The following NXPH2 variants were observed in gnomAD, a reference collection of about 807,000 sequenced individuals.
NXPH2 encodes neurexophilin 2.
In NXPH2, 5 loss-of-function variants were observed where a neutral mutation model predicts 19.8. That is an observed-to-expected ratio of 0.25 (90% CI 0.13 to 0.53). NXPH2 has a LOEUF of 0.53. Among genes scored for constraint, NXPH2 ranks in the 20% least tolerant of loss-of-function variants. The pLI is 0.96. For missense variants in NXPH2, 289 were observed against 322.8 expected (o/e 0.90, Z 0.80); for synonymous variants, 154 against 127.4 (o/e 1.21, Z -1.41).
At chr2:138,731,797 A>G (rs1444852374) in intron 1 of NXPH2, among the ~76,000 whole-genome samples, 6 of 152,090 alleles carry the variant, frequency 3.9e-5, no homozygotes, top group East Asian at 1.9e-4. Context: ...AGCAGGAGAC[A>G]GTAGAACGGC....
intron 1 of NXPH2, among the ~76,000 whole-genome samples, chr2:138,699,556 C>T (rs775992667): frequency 1.3e-5 from 2 of 152,010 alleles, no homozygotes; most frequent in African/African-American, 4.8e-5. Context: ...TAGAGATGGC[C>T]TAGGGGCAGC....
rs1156828906 is a variant in NXPH2, at chr2:138,730,063, A to G, written c.51+50128T>C. 2.6e-5 allele frequency among the ~76,000 whole-genome samples: 4 copies of G among 152,092 alleles called. No individual in the cohort carries two copies. The East Asian group carries it at 5.8e-4, about 22-fold the overall frequency. ...ATGGCCATCTTTTTGCCGTGTCCTC[A>G]TTATGGTCATCCCTTGGTCTGTATT... On this transcript the variant is annotated intron_variant, in intron 1 of 1. Coordinates refer to ENST00000272641, the MANE Select transcript of NXPH2 (RefSeq NM_007226.3).
chr2:138,682,133 A>G (rs1354305366), intron 1 of NXPH2, among the ~76,000 whole-genome samples: 4 of 152,354 alleles, frequency 2.6e-5, no homozygotes, highest in East Asian at 3.9e-4. Flanking sequence ...CTCAGCAGAA[A>G]GAACAACAGA....
intron 1 of NXPH2, among the ~76,000 whole-genome samples, chr2:138,699,333 C>CT (rs1167004384): frequency 6.6e-6 from 1 of 152,104 alleles, no homozygotes; most frequent in Non-Finnish European, 1.5e-5. Flanking sequence ...AAGAGGAAGG[C>CT]TTTTTTCCTC....
At chr2:138,770,969 A>T (rs1037738795) in intron 1 of NXPH2, among the ~76,000 whole-genome samples, 1 of 152,108 alleles carries the variant, frequency 6.6e-6, no homozygotes, top group Admixed American at 6.5e-5. Flanking sequence ...CCTTTAATAG[A>T]TTGTCAAAAA....
intron 1 of NXPH2, among the ~76,000 whole-genome samples, chr2:138,694,804 C>A (rs945693003): frequency 6.6e-6 from 1 of 152,136 alleles, no homozygotes; most frequent in Admixed American, 6.6e-5. Flanking sequence ...ACTAGTCAAC[C>A]ACACAATCAC....
chr2:138,773,109 C>A (rs1386275339), intron 1 of NXPH2, among the ~76,000 whole-genome samples: 1 of 152,168 alleles, frequency 6.6e-6, no homozygotes, highest in Non-Finnish European at 1.5e-5. Context: ...ATGTGTGTGG[C>A]CTTGCACATG....
chr2:138,724,146 G>A (rs2104995598), intron 1 of NXPH2, among the ~76,000 whole-genome samples: 1 of 152,156 alleles, frequency 6.6e-6, no homozygotes, highest in South Asian at 2.1e-4. Context: ...ATGTGTCCAT[G>A]TGTTCTCATC....
rs145270788 is a variant in NXPH2 at position 138,685,841 on chromosome 2, C to T, written c.52-14176G>A. ...GGCCAAGTGTCTCTCCATGCTGCTC[C>T]CAGAGTAAACCATCAAAGTATAGGT... On this transcript the variant is annotated intron_variant, in intron 1 of 1. Transcript: ENST00000272641. 7.5e-3 allele frequency among the ~76,000 whole-genome samples: 1,137 copies of T among 152,230 alleles called. 6 individuals are homozygous for T. Among genetic ancestry groups the T allele is most frequent in the Non-Finnish European group, 0.011 (768 of 68,016 alleles).
chr2:138,707,950 C>A (rs1181266042), intron 1 of NXPH2, among the ~76,000 whole-genome samples: 1 of 152,110 alleles, frequency 6.6e-6, no homozygotes, highest in Non-Finnish European at 1.5e-5. Context: ...TCAGAAGACT[C>A]CCTGGACAGT....
intron 1 of NXPH2, among the ~76,000 whole-genome samples, chr2:138,699,995 C>T (rs1360624384): frequency 6.6e-6 from 1 of 152,092 alleles, no homozygotes; most frequent in Non-Finnish European, 1.5e-5. Flanking sequence ...TTGTGCTGGG[C>T]TGTGCTGTTT....
intron 1 of NXPH2, among the ~76,000 whole-genome samples, chr2:138,737,910 C>A (rs1681578053): frequency 6.6e-6 from 1 of 151,116 alleles, no homozygotes; most frequent in Non-Finnish European, 1.5e-5. Context: ...AGAACACCTT[C>A]ATTTTCTTTT....
chr2:138,687,549 G>C (rs150455803), intron 1 of NXPH2, among the ~76,000 whole-genome samples: 194 of 152,278 alleles, frequency 1.3e-3, no homozygotes, highest in African/African-American at 4.5e-3. Flanking sequence ...AAGCTGTTTA[G>C]TGTAATTAGA....
chr2:138,759,395 G>A (rs1417323410), intron 1 of NXPH2, among the ~76,000 whole-genome samples: 2 of 151,934 alleles, frequency 1.3e-5, no homozygotes, highest in South Asian at 2.1e-4. Context: ...TCTGCTCTTG[G>A]TCTATGCTTG....
chr2:138,695,685 G>C (rs546687111), intron 1 of NXPH2, among the ~76,000 whole-genome samples: 5 of 151,832 alleles, frequency 3.3e-5, no homozygotes, highest in African/African-American at 1.2e-4. Flanking sequence ...ATATAAACAT[G>C]GTAGAAAAAA....
At chr2:138,707,995 C>G (rs1423170264) in intron 1 of NXPH2, among the ~76,000 whole-genome samples, 1 of 152,200 alleles carries the variant, frequency 6.6e-6, no homozygotes, top group East Asian at 1.9e-4. Context: ...CTCCATTTCT[C>G]TCTTACTGAA....
At chr2:138,756,407 TGAAAA>T (rs1350190404) in intron 1 of NXPH2, among the ~76,000 whole-genome samples, 2 of 151,884 alleles carry the variant, frequency 1.3e-5, no homozygotes, top group African/African-American at 4.8e-5. Context: ...TGGACACACT[TGAAAA>T]GAAATCTAGG....
At chr2:138,682,051 A>G (rs1680587293) in intron 1 of NXPH2, among the ~76,000 whole-genome samples, 1 of 152,180 alleles carries the variant, frequency 6.6e-6, no homozygotes, top group African/African-American at 2.4e-5. Flanking sequence ...TTGCTTACAT[A>G]TAGCTTACAT....
chr2:138,674,901 C>T (rs531227820), intron 1 of NXPH2, among the ~76,000 whole-genome samples: 62 of 152,304 alleles, frequency 4.1e-4, no homozygotes, highest in African/African-American at 1.4e-3. Context: ...TGCAGACACA[C>T]CTACCATTTG....
Sources: allele counts gnomAD v4.1 joint callset (sites outside exome capture counted in the v4.1 genomes callset), GRCh38; gene constraint gnomAD v4.1.1; transcripts MANE v1.5; gene names NCBI Gene and HGNC (gene_info 2026-07-23, HGNC 2026-07-21).